RAB27B: variants seen among roughly 807,000 people sequenced by gnomAD.
RAB27B encodes the protein ras-related protein Rab-27B.
RAB27B carries 15 observed loss-of-function variants against 24.6 expected under a neutral mutation model. That is an observed-to-expected ratio of 0.61 (90% CI 0.41 to 0.94). The LOEUF is 0.94. Among genes scored for constraint, RAB27B ranks in the 40% least tolerant of loss-of-function variants. The pLI is 0.00. For synonymous variants in RAB27B, 105 were observed against 92.5 expected (o/e 1.14, Z -0.78); for missense variants, 261 against 266.8 (o/e 0.98, Z 0.15).
intron 5 of RAB27B, among the ~76,000 whole-genome samples, chr18:54,888,391 T>A (rs1427815168): frequency 6.6e-6 from 1 of 152,148 alleles, no homozygotes. Context: ...ATTTTATATA[T>A]AAGAATTGAG....
intron 2 of RAB27B, among the ~76,000 whole-genome samples, chr18:54,770,271 GCTT>G (rs1908500573): frequency 6.6e-6 from 1 of 152,202 alleles, no homozygotes; most frequent in African/African-American, 2.4e-5. Context: ...AATGAGCAAA[GCTT>G]CTTCTGTGTT....
At chr18:54,771,453 G>C (rs1178362363) in intron 2 of RAB27B, among the ~76,000 whole-genome samples, 1 of 152,092 alleles carries the variant, frequency 6.6e-6, no homozygotes, top group Non-Finnish European at 1.5e-5. Context: ...TCTAAGGGTA[G>C]AGCAACAACG....
chr18:54,825,269 C>A (rs953739986), upstream of RAB27B, among the ~76,000 whole-genome samples: 3 of 152,118 alleles, frequency 2.0e-5, no homozygotes, highest in Admixed American at 2.0e-4. Flanking sequence ...TTTATTTTAT[C>A]TCAGAATGAT....
chr18:54,889,079 A>G lies in RAB27B; in HGVS notation c.468-145A>G, dbSNP rs1475898578. ...TTTACTCACTGAGGAAAAAACAAGG[A>G]TGCTTTCCAACTTAGCCAGCAAAAC... is the stretch of plus-strand genomic sequence containing the variant. On this transcript the variant is annotated intron_variant, in intron 5 of 5. Coordinates refer to ENST00000262094, the MANE Select transcript of RAB27B (RefSeq NM_004163.4). 5.6e-6 allele frequency: 4 copies of G among 720,660 alleles called. No individual in the cohort carries two copies. The Admixed American group carries it at 1.1e-4, about 20-fold the overall frequency. The allele number at this position is 720,660 out of a possible 1,614,324, so 44.6% of individuals were successfully genotyped here. A position where few individuals can be genotyped will look rare whatever the true frequency, so the allele number is the denominator to read the frequency against.
intron 2 of RAB27B, among the ~76,000 whole-genome samples, chr18:54,801,450 G>C (rs764317279): frequency 1.3e-5 from 2 of 152,084 alleles, no homozygotes; most frequent in Non-Finnish European, 2.9e-5. Context: ...TTAAAAAACT[G>C]GAAAATCTGT....
At chr18:54,811,275 A>G (rs1909956152) in intron 2 of RAB27B, among the ~76,000 whole-genome samples, 1 of 152,188 alleles carries the variant, frequency 6.6e-6, no homozygotes, top group Admixed American at 6.5e-5. Context: ...TACCTGTGAC[A>G]TAGCCTCAGG....
intron 1 of RAB27B, among the ~76,000 whole-genome samples, chr18:54,867,936 G>A (rs575984447): frequency 6.6e-6 from 1 of 152,230 alleles, no homozygotes; most frequent in African/African-American, 2.4e-5. Flanking sequence ...GCTTCCCGTG[G>A]AACTGCACAC....
intron 1 of RAB27B, among the ~76,000 whole-genome samples, chr18:54,862,398 A>C (rs186490819): frequency 2.4e-3 from 367 of 152,310 alleles, no homozygotes; most frequent in African/African-American, 8.3e-3. Context: ...AGCCATCAGT[A>C]AGGAGAAATC....
At chr18:54,726,507 G>A (rs1335327039) in intron 2 of RAB27B, among the ~76,000 whole-genome samples, 3 of 151,396 alleles carry the variant, frequency 2.0e-5, no homozygotes, top group African/African-American at 4.8e-5. Context: ...CTTCCTGTTC[G>A]CTAACATTCA....
intron 2 of RAB27B, among the ~76,000 whole-genome samples, chr18:54,753,922 A>G (rs912855011): frequency 6.6e-6 from 1 of 152,192 alleles, no homozygotes; most frequent in African/African-American, 2.4e-5. Flanking sequence ...CCAACTGTTT[A>G]TGGATTCTCT....
At chr18:54,765,136 T>C (rs950889459) in intron 2 of RAB27B, among the ~76,000 whole-genome samples, 2 of 152,094 alleles carry the variant, frequency 1.3e-5, no homozygotes, top group African/African-American at 4.8e-5. Context: ...CCACATGACT[T>C]TGGGAAGATT....
intron 1 of RAB27B, among the ~76,000 whole-genome samples, chr18:54,833,835 G>A (rs1199785203): frequency 6.6e-6 from 1 of 152,128 alleles, no homozygotes; most frequent in African/African-American, 2.4e-5. Flanking sequence ...TCAAGAAACT[G>A]AGAAAAGGAG....
chr18:54,782,865 A>C (rs533897188), intron 2 of RAB27B, among the ~76,000 whole-genome samples: 1 of 152,342 alleles, frequency 6.6e-6, no homozygotes, highest in Admixed American at 6.5e-5. Context: ...AAGTATCAGA[A>C]CCCTGTACAA....
chr18:54,832,639 A>G (rs367799160), intron 1 of RAB27B, among the ~76,000 whole-genome samples: 1 of 152,324 alleles, frequency 6.6e-6, no homozygotes. Context: ...GCTCTGGCTT[A>G]TTCGGACATT....
At chr18:54,788,678 C>T (rs762373614) in intron 2 of RAB27B, among the ~76,000 whole-genome samples, 4 of 152,136 alleles carry the variant, frequency 2.6e-5, no homozygotes, top group Admixed American at 6.5e-5. Context: ...TGGTTCTCTC[C>T]CTCAGCTTTA....
chr18:54,770,596 T>A (rs974783608), intron 2 of RAB27B, among the ~76,000 whole-genome samples: 1 of 152,092 alleles, frequency 6.6e-6, no homozygotes, highest in Non-Finnish European at 1.5e-5. Flanking sequence ...ATAAATGTAA[T>A]GGACTTGAGT....
At chr18:54,811,478 A>T (rs1002957816) in intron 2 of RAB27B, among the ~76,000 whole-genome samples, 1 of 152,174 alleles carries the variant, frequency 6.6e-6, no homozygotes, top group African/African-American at 2.4e-5. Context: ...GAGACTTTTG[A>T]GTCTTCGATC....
intron 1 of RAB27B, among the ~76,000 whole-genome samples, chr18:54,833,382 A>G (rs1439148191): frequency 1.3e-5 from 2 of 150,212 alleles, no homozygotes; most frequent in Non-Finnish European, 3.0e-5. Context: ...ATGTGCCACC[A>G]CTCCAGGCTA....
chr18:54,765,114 C>A (rs767820781), intron 2 of RAB27B, among the ~76,000 whole-genome samples: 15 of 151,910 alleles, frequency 9.9e-5, no homozygotes, highest in Middle Eastern at 3.4e-3. Flanking sequence ...GCAAAAAAAA[C>A]CAAAAAGAAA....
Sources: gnomAD v4.1 joint callset for allele counts (sites outside exome capture counted in the v4.1 genomes callset) on GRCh38, gnomAD v4.1.1 for gene constraint, MANE v1.5 for transcripts, NCBI Gene and HGNC (gene_info 2026-07-23, HGNC 2026-07-21) for gene names.